BABAM2: variants seen among roughly 807,000 people sequenced by gnomAD.
The protein encoded by BABAM2 is BRISC and BRCA1-A complex member 2.
Under a neutral mutation model 54.7 loss-of-function variants are expected in BABAM2, and 31 were observed. That is an observed-to-expected ratio of 0.57 (90% CI 0.43 to 0.77). The LOEUF (loss-of-function observed/expected upper bound fraction) is 0.77. Among genes scored for constraint, BABAM2 ranks in the 30% least tolerant of loss-of-function variants. BABAM2 has a pLI of 0.00. For missense variants in BABAM2, 364 were observed against 455.8 expected, an observed-to-expected ratio of 0.80 and a Z score of 1.83; for synonymous variants, 167 against 162.9, an observed-to-expected ratio of 1.03 and a Z score of -0.19.
chr2:27,938,881 T>A (rs1382478332), intron 3 of BABAM2, among the ~76,000 whole-genome samples: 1 of 152,228 alleles, frequency 6.6e-6, no homozygotes, highest in African/African-American at 2.4e-5. Flanking sequence ...CATTTTTATA[T>A]AAACAATTTT....
intron 10 of BABAM2, among the ~76,000 whole-genome samples, chr2:28,285,636 C>T (rs912089418): frequency 6.6e-6 from 1 of 152,110 alleles, no homozygotes; most frequent in East Asian, 1.9e-4. Flanking sequence ...ACATCCAATC[C>T]CAAACTTCAG....
chr2:28,001,034 A>C (rs1376229599), intron 4 of BABAM2, among the ~76,000 whole-genome samples: 1 of 152,208 alleles, frequency 6.6e-6, no homozygotes, highest in African/African-American at 2.4e-5. Context: ...CTTAGAAACC[A>C]AGATCTTAGT....
chr2:27,985,057 A>ATATGTGTGTGTGTG (rs369150029), intron 3 of BABAM2, among the ~76,000 whole-genome samples: 2 of 137,410 alleles, frequency 1.5e-5, no homozygotes, highest in African/African-American at 5.5e-5. Context: ...GTATTCCATG[A>ATATGTGTGTGTGTG]TGTGTGTGTG....
Position 28,112,147 on chromosome 2 carries a change from T to TTCTTTCCCTCCC in BABAM2, c.571-17123_571-17122insCTTTCCCTCCCT, listed in dbSNP as rs1558346715. ...TTTCTTTCTTTCTTTCTTTCTTTCTTTACCTCCCTCCCTCCCTCCCTCCCT... is the reference window on the plus strand; with the variant it reads ...TTTCTTTCTTTCTTTCTTTCTTTCTTTCTTTCCCTCCCTACCTCCCTCCCTCCCTCCCTCCCT... On this transcript the variant is annotated intron_variant, in intron 6 of 11. Coordinates refer to ENST00000379624, the MANE Select transcript of BABAM2 (RefSeq NM_199191.3). 4.0e-3 allele frequency among the ~76,000 whole-genome samples: 21 copies of TTCTTTCCCTCCC among 5,240 alleles called. 3 individuals are homozygous for TTCTTTCCCTCCC. Among genetic ancestry groups the TTCTTTCCCTCCC allele is most frequent in the Non-Finnish European group, 4.4e-3 (14 of 3,154 alleles). The allele number at this position is 5,240 out of a possible 152,430, so 3.4% of individuals were successfully genotyped here. A position where few individuals can be genotyped will look rare whatever the true frequency, so the allele number is the denominator to read the frequency against.
intron 3 of BABAM2, among the ~76,000 whole-genome samples, chr2:27,941,197 A>G (rs1668848352): frequency 6.6e-6 from 1 of 152,226 alleles, no homozygotes; most frequent in Non-Finnish European, 1.5e-5. Context: ...ATACCCAGAA[A>G]GGTATCTATT....
intron 5 of BABAM2, among the ~76,000 whole-genome samples, chr2:28,031,383 T>C (rs1368941485): frequency 6.6e-6 from 1 of 152,188 alleles, no homozygotes; most frequent in African/African-American, 2.4e-5. Context: ...GCATTTCTTT[T>C]TTCTGCTAGC....
intron 7 of BABAM2, among the ~76,000 whole-genome samples, chr2:28,205,208 G>A (rs185491006): frequency 6.6e-6 from 1 of 152,188 alleles, no homozygotes; most frequent in African/African-American, 2.4e-5. Flanking sequence ...AACTAATAAA[G>A]TAAGTAAGTA....
At chr2:28,198,179 A>G (rs1677822852) in intron 7 of BABAM2, among the ~76,000 whole-genome samples, 1 of 148,878 alleles carries the variant, frequency 6.7e-6, no homozygotes, top group Non-Finnish European at 1.5e-5. Context: ...TTTTTTTTTG[A>G]GACTGAGTCT....
chr2:28,097,635 A>G (rs936078075), intron 6 of BABAM2, among the ~76,000 whole-genome samples: 1 of 152,042 alleles, frequency 6.6e-6, no homozygotes, highest in South Asian at 2.1e-4. Context: ...TATATTTGCT[A>G]TATTTTTGAG....
intron 6 of BABAM2, among the ~76,000 whole-genome samples, chr2:28,086,329 G>A (rs1204681572): frequency 6.6e-6 from 1 of 152,106 alleles, no homozygotes; most frequent in African/African-American, 2.4e-5. Flanking sequence ...CTTTGAGTTC[G>A]TAGAACAGTC....
intron 3 of BABAM2, among the ~76,000 whole-genome samples, chr2:27,938,074 A>T (rs1051879626): frequency 1.3e-5 from 2 of 152,160 alleles, no homozygotes; most frequent in African/African-American, 4.8e-5. Flanking sequence ...CCTTTCTCCA[A>T]TGTGTGTTCT....
intron 4 of BABAM2, among the ~76,000 whole-genome samples, chr2:28,018,706 T>A (rs1048615043): frequency 6.6e-6 from 1 of 152,220 alleles, no homozygotes; most frequent in Non-Finnish European, 1.5e-5. Flanking sequence ...CTTGCAGAAC[T>A]GAAGTGGTAT....
At chr2:27,939,118 A>G (rs1668694808) in intron 3 of BABAM2, among the ~76,000 whole-genome samples, 1 of 151,870 alleles carries the variant, frequency 6.6e-6, no homozygotes, top group African/African-American at 2.4e-5. Context: ...ATGCCCAGCT[A>G]ATTTTTGTAT....
chr2:28,119,423 C>T (rs996105421), intron 6 of BABAM2, among the ~76,000 whole-genome samples: 4 of 152,144 alleles, frequency 2.6e-5, no homozygotes, highest in Non-Finnish European at 1.5e-5. Flanking sequence ...AGTAGGGGCT[C>T]CATTTCACAC....
In BABAM2 at chr2:28,140,102, C is replaced by CT. The variant is rs34257219; in HGVS notation, c.680+10730dup. Among the ~76,000 whole-genome samples, 7 of 152,016 alleles carry CT rather than the reference C, an allele frequency of 4.6e-5. No homozygotes were observed. The South Asian group carries it at 1.2e-3, about 27-fold the overall frequency. On this transcript the variant is annotated intron_variant, in intron 7 of 11. Transcript: ENST00000379624. ...TTTCCTGCATCTCTCAGGCATATTT[C>CT]TTTTTTTTCTACCTATATCTCTTCC... is the stretch of plus-strand genomic sequence containing the variant.
At chr2:28,184,836 T>C (rs1676110793) in intron 7 of BABAM2, among the ~76,000 whole-genome samples, 1 of 152,206 alleles carries the variant, frequency 6.6e-6, no homozygotes, top group Non-Finnish European at 1.5e-5. Flanking sequence ...CCCCAGGTAG[T>C]TTATGTAGGA....
At chr2:28,196,422 A>ACT (rs894312639) in intron 7 of BABAM2, among the ~76,000 whole-genome samples, 2 of 151,946 alleles carry the variant, frequency 1.3e-5, no homozygotes, top group African/African-American at 4.8e-5. Flanking sequence ...GGAACCAAGG[A>ACT]CTCTGGTTAA....
intron 6 of BABAM2, among the ~76,000 whole-genome samples, chr2:28,122,771 A>G (rs1334598679): frequency 1.3e-5 from 2 of 152,040 alleles, no homozygotes; most frequent in African/African-American, 4.8e-5. Context: ...TTTCATTTCC[A>G]AGGCTAATTG....
chr2:28,238,456 G>A (rs1682117061), intron 8 of BABAM2, among the ~76,000 whole-genome samples: 1 of 152,124 alleles, frequency 6.6e-6, no homozygotes. Context: ...TCTTTTGTTT[G>A]TCTCTTTCAC....
Sources: gnomAD v4.1 joint callset for allele counts (sites outside exome capture counted in the v4.1 genomes callset) on GRCh38, gnomAD v4.1.1 for gene constraint, MANE v1.5 for transcripts, NCBI Gene and HGNC (gene_info 2026-07-23, HGNC 2026-07-21) for gene names.